The following ERBB4 variants were observed in gnomAD, a reference collection of about 807,000 sequenced individuals.
The protein encoded by ERBB4 is erb-b2 receptor tyrosine kinase 4.
Under a neutral mutation model 158.0 loss-of-function variants are expected in ERBB4, and 42 were observed. The observed-to-expected ratio is 0.27, with a 90% CI of 0.21 to 0.34. ERBB4 has a LOEUF of 0.34. Ranked by LOEUF, ERBB4 falls within the 10% of genes least tolerant of loss-of-function variation. The pLI is 1.00. For missense variants in ERBB4, 1,333 were observed against 1,624.1 expected (o/e 0.82, Z 3.08); for synonymous variants, 583 against 558.7 (o/e 1.04, Z -0.61).
At chr2:212,238,516 T>G (rs909284839) in intron 1 of ERBB4, among the ~76,000 whole-genome samples, 1 of 152,148 alleles carries the variant, frequency 6.6e-6, no homozygotes, top group African/African-American at 2.4e-5. Context: ...AGAGCTGTTC[T>G]TATGCAGCCA....
chr2:212,391,881 A>C (rs113681322), intron 1 of ERBB4, among the ~76,000 whole-genome samples: 10 of 149,874 alleles, frequency 6.7e-5, no homozygotes, highest in African/African-American at 2.4e-4. Flanking sequence ...TCTTTGTTCT[A>C]TTTCACAGTC....
chr2:211,559,698 G>A (rs958527923), intron 20 of ERBB4, among the ~76,000 whole-genome samples: 4 of 152,102 alleles, frequency 2.6e-5, no homozygotes, highest in African/African-American at 9.7e-5. Context: ...TCTTTCATTT[G>A]TTGAATGTCT....
At chr2:211,669,216 C>CAAA (rs71054124) in intron 14 of ERBB4, among the ~76,000 whole-genome samples, 47 of 56,002 alleles carry the variant, frequency 8.4e-4, no homozygotes, top group African/African-American at 1.3e-3. Context: ...GAGTGAGTCT[C>CAAA]AAAAAAAAAA....
At chr2:211,399,563 C>T (rs1342139356) in intron 25 of ERBB4, among the ~76,000 whole-genome samples, 1 of 152,174 alleles carries the variant, frequency 6.6e-6, no homozygotes, top group Non-Finnish European at 1.5e-5. Flanking sequence ...TCATCTAGTA[C>T]ACTCTTCCTG....
chr2:212,102,411 T>C (rs527478242), intron 2 of ERBB4, among the ~76,000 whole-genome samples: 1 of 152,140 alleles, frequency 6.6e-6, no homozygotes, highest in East Asian at 1.9e-4. Flanking sequence ...CCCTTGGCAT[T>C]TGTTTCATTT....
At chr2:211,528,122 C>G (rs890045766) in intron 20 of ERBB4, among the ~76,000 whole-genome samples, 19 of 152,018 alleles carry the variant, frequency 1.2e-4, no homozygotes, top group Non-Finnish European at 2.2e-4. Flanking sequence ...CACTCTTCAC[C>G]TATAAAGACA....
At chr2:211,854,652 CAA>C (rs2077806289) in intron 3 of ERBB4, among the ~76,000 whole-genome samples, 1 of 152,078 alleles carries the variant, frequency 6.6e-6, no homozygotes, top group Non-Finnish European at 1.5e-5. Flanking sequence ...CCGTGTTGTA[CAA>C]AAGACAGTAT....
At chr2:211,941,163 C>T (rs1166499240) in intron 3 of ERBB4, among the ~76,000 whole-genome samples, 1 of 151,960 alleles carries the variant, frequency 6.6e-6, no homozygotes, top group Non-Finnish European at 1.5e-5. Flanking sequence ...ACTCTTTTCA[C>T]TGATTCTCTC....
intron 1 of ERBB4, among the ~76,000 whole-genome samples, chr2:212,153,678 G>A (rs1420481353): frequency 1.3e-5 from 2 of 152,018 alleles, no homozygotes; most frequent in Non-Finnish European, 2.9e-5. Flanking sequence ...TTACTTTTGT[G>A]CTAACCTAAT....
intron 1 of ERBB4, among the ~76,000 whole-genome samples, chr2:212,181,354 A>G (rs2081857138): frequency 6.6e-6 from 1 of 151,728 alleles, no homozygotes; most frequent in Admixed American, 6.6e-5. Flanking sequence ...TACATAATAC[A>G]TATTTATGTG....
At chr2:211,577,177 A>G (rs1269346022) in intron 19 of ERBB4, among the ~76,000 whole-genome samples, 1 of 152,186 alleles carries the variant, frequency 6.6e-6, no homozygotes, top group Non-Finnish European at 1.5e-5. Flanking sequence ...TCTAAAATTA[A>G]GAAAATGGAA....
At chr2:212,214,729 T>C (rs1216393073) in intron 1 of ERBB4, among the ~76,000 whole-genome samples, 1 of 151,654 alleles carries the variant, frequency 6.6e-6, no homozygotes, top group East Asian at 1.9e-4. Flanking sequence ...GTAAAACTTA[T>C]GACTTAATAA....
At chr2:212,339,880 T>C (rs921281716) in intron 1 of ERBB4, among the ~76,000 whole-genome samples, 18 of 152,024 alleles carry the variant, frequency 1.2e-4, no homozygotes, top group Non-Finnish European at 7.4e-5. Context: ...AAGAGAAAAT[T>C]ATTAGTGTCA....
intron 2 of ERBB4, among the ~76,000 whole-genome samples, chr2:212,010,710 C>T (rs964414213): frequency 2.6e-5 from 4 of 152,080 alleles, no homozygotes; most frequent in African/African-American, 9.7e-5. Flanking sequence ...CACAAATTTA[C>T]CAGGGTGGAG....
chr2:211,476,353 T>C (rs940369770), intron 20 of ERBB4, among the ~76,000 whole-genome samples: 14 of 152,068 alleles, frequency 9.2e-5, no homozygotes, highest in Non-Finnish European at 1.5e-4. Flanking sequence ...CAAACTTCCT[T>C]TGTGAGACAA....
chr2:211,415,305 G>T (rs1413138024), intron 25 of ERBB4, among the ~76,000 whole-genome samples: 11 of 151,460 alleles, frequency 7.3e-5, no homozygotes, highest in Admixed American at 7.2e-4. Context: ...TTTTTTAGTA[G>T]AGGCGGGGTT....
intron 1 of ERBB4, among the ~76,000 whole-genome samples, chr2:212,172,296 TG>T (rs907458002): frequency 2.5e-4 from 23 of 90,596 alleles, no homozygotes; most frequent in African/African-American, 9.0e-4. Flanking sequence ...GAAAAAGGAA[TG>T]TTTTTTTTAC....
chr2:212,162,707 TGAG>T (rs1157372440), intron 1 of ERBB4, among the ~76,000 whole-genome samples: 9 of 151,902 alleles, frequency 5.9e-5, no homozygotes, highest in Admixed American at 2.6e-4. Flanking sequence ...AGGGCAATAA[TGAG>T]GAGAAATGTG....
At chr2:212,171,129 C>T (rs978605827) in intron 1 of ERBB4, among the ~76,000 whole-genome samples, 11 of 152,110 alleles carry the variant, frequency 7.2e-5, no homozygotes, top group African/African-American at 2.4e-4. Context: ...CCACTTCTTA[C>T]CTCAGCATGA....
Sources: allele counts gnomAD v4.1 joint callset (sites outside exome capture counted in the v4.1 genomes callset), GRCh38; gene constraint gnomAD v4.1.1; transcripts MANE v1.5; gene names NCBI Gene and HGNC (gene_info 2026-07-23, HGNC 2026-07-21).